ST7L: variants seen among roughly 807,000 people sequenced by gnomAD.
ST7L encodes suppressor of tumorigenicity 7 protein-like.
Under a neutral mutation model 72.5 loss-of-function variants are expected in ST7L, and 57 were observed. That is an observed-to-expected ratio of 0.79 (90% confidence interval 0.64 to 0.98). The LOEUF (loss-of-function observed/expected upper bound fraction) is 0.98, where lower values mean the gene tolerates loss of function less well. ST7L is among the 50% of genes least tolerant of loss of function. ST7L has a pLI of 0.00. For synonymous variants in ST7L, 221 were observed against 240.9 expected (o/e 0.92, Z 0.77); for missense variants, 576 against 672.2 (o/e 0.86, Z 1.58).
intron 5 of ST7L, among the ~76,000 whole-genome samples, chr1:112,591,865 A>G (rs1197809121): frequency 6.6e-6 from 1 of 152,162 alleles, no homozygotes; most frequent in African/African-American, 2.4e-5. Context: ...TTATATCATT[A>G]TTATGTATGA....
intron 2 of ST7L, among the ~76,000 whole-genome samples, chr1:112,612,587 G>C (rs1402268760): frequency 6.6e-6 from 1 of 152,046 alleles, no homozygotes. Context: ...ACGTTTATAG[G>C]AAAGTGTGAG....
intron 13 of ST7L, among the ~76,000 whole-genome samples, chr1:112,547,193 C>CTT (rs759140130): frequency 2.5e-4 from 35 of 137,510 alleles, no homozygotes; most frequent in African/African-American, 8.6e-4. Flanking sequence ...TTCTTTCTTT[C>CTT]TTTTTTTTTT....
intron 6 of ST7L, among the ~76,000 whole-genome samples, chr1:112,585,952 G>A (rs183654263): frequency 1.3e-5 from 2 of 152,282 alleles, no homozygotes; most frequent in Admixed American, 1.3e-4. Flanking sequence ...GTGATGGCAG[G>A]TAGCTATCGT....
At chr1:112,618,682 T>G in intron 1 of ST7L, 1 of 909,798 alleles carries the variant, frequency 1.1e-6, no homozygotes, top group Admixed American at 3.1e-5. Flanking sequence ...AACGAGGACA[T>G]AAGAGAGAGG....
intron 2 of ST7L, among the ~76,000 whole-genome samples, chr1:112,613,575 T>G (rs1274994921): frequency 6.6e-6 from 1 of 152,220 alleles, no homozygotes; most frequent in Non-Finnish European, 1.5e-5. Context: ...TAAAAGAAAT[T>G]ATAAACACAA....
At chr1:112,521,484 A>G (rs1652879813), downstream of ST7L, 1 of 152,272 alleles carries the variant, frequency 6.6e-6, no homozygotes, top group Admixed American at 6.5e-5. Context: ...AGTATATATT[A>G]GGCAGGTAGG....
At chr1:112,599,127 T>TACAC (rs71084480) in intron 4 of ST7L, among the ~76,000 whole-genome samples, 2,595 of 103,808 alleles carry the variant, frequency 0.025, 91 homozygotes, top group African/African-American at 0.071. Context: ...TGTGTGTGTA[T>TACAC]ACACACACAC....
chr1:112,574,063 C>A (rs1430217375), intron 11 of ST7L, among the ~76,000 whole-genome samples: 1 of 148,370 alleles, frequency 6.7e-6, no homozygotes, highest in African/African-American at 2.5e-5. Flanking sequence ...TACAGGCGCA[C>A]CCCACCACAC....
chr1:112,599,073 A>T (rs867339363), intron 4 of ST7L, among the ~76,000 whole-genome samples: 3 of 57,000 alleles, frequency 5.3e-5, no homozygotes, highest in Admixed American at 2.8e-4. Flanking sequence ...AAAAAAAAAA[A>T]ATATATATAT....
intron 3 of ST7L, chr1:112,607,505 C>G (rs895981763): frequency 2.0e-5 from 3 of 152,206 alleles, no homozygotes; most frequent in African/African-American, 7.2e-5. Context: ...GAGGCTGGGG[C>G]AGGAGAATCG....
chr1:112,532,306 C>G (rs1209008161), intron 14 of ST7L, among the ~76,000 whole-genome samples: 2 of 152,186 alleles, frequency 1.3e-5, no homozygotes, highest in Admixed American at 1.3e-4. Flanking sequence ...ATGTATTTGC[C>G]TGCCAAGAAC....
chr1:112,529,643 C>T (rs1421505147), intron 14 of ST7L: 1 of 149,334 alleles, frequency 6.7e-6, no homozygotes, highest in African/African-American at 2.5e-5. Flanking sequence ...ACTGGTTAAG[C>T]AACCAGGGAA....
At chr1:112,530,801 G>A (rs1654270896) in intron 14 of ST7L, among the ~76,000 whole-genome samples, 1 of 152,128 alleles carries the variant, frequency 6.6e-6, no homozygotes, top group African/African-American at 2.4e-5. Flanking sequence ...GCTCAATAAA[G>A]ATAGGAAATA....
chr1:112,540,354 TG>T (rs2101366598), intron 14 of ST7L: 2 of 985,468 alleles, frequency 2.0e-6, no homozygotes, highest in South Asian at 9.4e-5. Context: ...TTTTATTCGA[TG>T]CCAGATTACA....
At chr1:112,547,276 T>G (rs939907423) in intron 13 of ST7L, among the ~76,000 whole-genome samples, 6 of 145,382 alleles carry the variant, frequency 4.1e-5, no homozygotes, top group African/African-American at 1.5e-4. Context: ...CACTGCAACC[T>G]CCACCTCCTG....
At chr1:112,563,034 G>A (rs990235764) in intron 11 of ST7L, among the ~76,000 whole-genome samples, 1 of 151,854 alleles carries the variant, frequency 6.6e-6, no homozygotes, top group African/African-American at 2.4e-5. Flanking sequence ...GAGAGAACAG[G>A]AGATTTCTAC....
chr1:112,619,078 AGCT>A lies in ST7L; in HGVS notation c.33_35del (p.Ala12del). The A allele has an allele frequency of 6.2e-7, 1 of 1,613,536 alleles. No homozygotes were observed. On this transcript the variant is annotated inframe_deletion, in exon 1 of 15. Transcript: ENST00000358039. ...GGACAGATGCAGGAGACGCTCCAACAGCTGCGGCTTCACCCACGCCGCCACGGT... is the reference window on the plus strand; with the variant it reads ...GGACAGATGCAGGAGACGCTCCAACAGCGGCTTCACCCACGCCGCCACGGT...
At chr1:112,529,089 G>A (rs1215547139) in intron 14 of ST7L, 1 of 152,146 alleles carries the variant, frequency 6.6e-6, no homozygotes, top group Non-Finnish European at 1.5e-5. Flanking sequence ...TTCTTCCAAA[G>A]CAGTTCCCTG....
In ST7L at chr1:112,555,814, G is replaced by A. The variant is rs192633790; in HGVS notation, c.1396+54C>T. 19 of 1,374,988 alleles carry A rather than the reference G, an allele frequency of 1.4e-5. No homozygotes were observed. The African/African-American group carries it at 2.6e-4, about 19-fold the overall frequency. 85.2% of individuals were successfully genotyped at this position (1,374,988 alleles called of 1,614,324 possible). ...AATCTCATTTAAAAAGACTGCCTGT[G>A]AATTCAATGAATAGTTAGAGAGATT... On this transcript the variant is annotated intron_variant, in intron 12 of 14. Coordinates refer to ENST00000358039, the MANE Select transcript of ST7L (RefSeq NM_017744.5).
Sources: allele counts gnomAD v4.1 joint callset (sites outside exome capture counted in the v4.1 genomes callset), GRCh38; gene constraint gnomAD v4.1.1; transcripts MANE v1.5; gene names NCBI Gene and HGNC (gene_info 2026-07-23, HGNC 2026-07-21).